The following HDAC4 variants were observed in gnomAD, a reference collection of about 807,000 sequenced individuals.
The protein encoded by HDAC4 is histone deacetylase A.
HDAC4 carries 16 observed loss-of-function variants against 135.1 expected under a neutral mutation model. That is an observed-to-expected ratio of 0.12 (90% confidence interval 0.08 to 0.18). HDAC4 has a LOEUF of 0.18. Ranked by LOEUF, HDAC4 falls within the 10% of genes least tolerant of loss-of-function variation. The pLI is 1.00. For synonymous variants in HDAC4, 685 were observed against 653.4 expected (o/e 1.05, Z -0.74); for missense variants, 1,143 against 1,511.8 (o/e 0.76, Z 4.05).
At chr2:239,123,062 C>T (rs999211169) in intron 12 of HDAC4, among the ~76,000 whole-genome samples, 5 of 152,154 alleles carry the variant, frequency 3.3e-5, no homozygotes, top group African/African-American at 7.2e-5. Context: ...CATTCACTCC[C>T]GTAAATCAAT....
chr2:239,354,238 C>T (rs1373484092), intron 1 of HDAC4, among the ~76,000 whole-genome samples: 1 of 152,152 alleles, frequency 6.6e-6, no homozygotes, highest in Non-Finnish European at 1.5e-5. Context: ...TGGTAAGCTT[C>T]GTTTTGAAGG....
At chr2:239,211,686 C>A (rs1361897746) in intron 3 of HDAC4, among the ~76,000 whole-genome samples, 1 of 152,178 alleles carries the variant, frequency 6.6e-6, no homozygotes, top group Non-Finnish European at 1.5e-5. Flanking sequence ...TGCAGACACA[C>A]CTTTAAATCC....
Position 239,189,797 on chromosome 2 carries a change from G to A in HDAC4, c.339+36C>T, listed in dbSNP as rs1308879387. 5 of 1,584,348 alleles carry A rather than the reference G, an allele frequency of 3.2e-6. No individual in the cohort carries two copies. In the African/African-American group the frequency reaches 5.4e-5, roughly 17 times the overall value. ...GTCACCGGGAGTTGAGGGTGCCGGA[G>A]GCCTGGCCCACCCGCAGCCCCGCAC... On this transcript the variant is annotated intron_variant, in intron 4 of 26. Transcript: ENST00000543185.
At chr2:239,143,699 G>A (rs1472823723) in intron 8 of HDAC4, among the ~76,000 whole-genome samples, 2 of 152,220 alleles carry the variant, frequency 1.3e-5, no homozygotes, top group African/African-American at 4.8e-5. Context: ...CTGAAGCAGA[G>A]TCCCTGTGTG....
chr2:239,317,275 G>T (rs2053149293), intron 2 of HDAC4, among the ~76,000 whole-genome samples: 1 of 152,012 alleles, frequency 6.6e-6, no homozygotes, highest in South Asian at 2.1e-4. Flanking sequence ...CCTTTGTGAG[G>T]CTGGGCTGGA....
intron 1 of HDAC4, among the ~76,000 whole-genome samples, chr2:239,359,382 G>A (rs1211210864): frequency 6.6e-6 from 1 of 152,208 alleles, no homozygotes; most frequent in Non-Finnish European, 1.5e-5. Flanking sequence ...CAAGCTAATG[G>A]GAAACATGTT....
intron 1 of HDAC4, among the ~76,000 whole-genome samples, chr2:239,381,203 T>A (rs1190703301): frequency 1.3e-5 from 2 of 152,242 alleles, no homozygotes; most frequent in African/African-American, 4.8e-5. Context: ...CGCAGTGAGC[T>A]GAGCTGCAGT....
chr2:239,124,650 G>A (rs937669260), intron 12 of HDAC4, among the ~76,000 whole-genome samples: 18 of 150,002 alleles, frequency 1.2e-4, no homozygotes, highest in African/African-American at 1.8e-4. Flanking sequence ...ATCATTCCAC[G>A]TTATATGACA....
intron 9 of HDAC4, 112 bp from the exon 10 acceptor site, chr2:239,134,755 G>C (rs1268639161): frequency 1.2e-6 from 1 of 802,726 alleles, no homozygotes; most frequent in East Asian, 2.5e-5. Flanking sequence ...ATATATGAGC[G>C]TAAACGTACA....
chr2:239,365,003 C>G lies in HDAC4; in HGVS notation c.-219-12085G>C, dbSNP rs565768485. The stretch of plus-strand genomic sequence containing the variant: ...CAAAGAGGTACTAAGTCAGGTTTGT[C>G]AGACAAAATATATATGAAATCATTT... On this transcript the variant is annotated intron_variant, in intron 1 of 26. Coordinates refer to ENST00000543185, the MANE Select transcript of HDAC4 (RefSeq NM_001378414.1). Among the ~76,000 whole-genome samples the G allele has an allele frequency of 3.9e-5, 6 of 152,282 alleles. No homozygotes were observed. The South Asian group carries it at 1.2e-3, about 32-fold the overall frequency.
chr2:239,244,172 A>G (rs2048344774), intron 2 of HDAC4, among the ~76,000 whole-genome samples: 1 of 152,168 alleles, frequency 6.6e-6, no homozygotes, highest in Non-Finnish European at 1.5e-5. Context: ...CAGAGTTCCC[A>G]TGGTTTAAAG....
chr2:239,192,765 G>C (rs926516776), intron 3 of HDAC4, among the ~76,000 whole-genome samples: 1 of 152,174 alleles, frequency 6.6e-6, no homozygotes, highest in Non-Finnish European at 1.5e-5. Context: ...TCAGGTGAGC[G>C]GGCCCGTGCT....
chr2:239,290,316 C>T (rs1326605611), intron 2 of HDAC4, among the ~76,000 whole-genome samples: 2 of 152,184 alleles, frequency 1.3e-5, no homozygotes, highest in African/African-American at 4.8e-5. Flanking sequence ...GCTGTGGGGA[C>T]ACCCAGAACC....
chr2:239,112,250 G>A (rs927572940), intron 13 of HDAC4, among the ~76,000 whole-genome samples: 2 of 152,178 alleles, frequency 1.3e-5, no homozygotes, highest in Admixed American at 1.3e-4. Flanking sequence ...ACACACATAC[G>A]GTGAGTGGGC....
chr2:239,164,411 T>G (rs149299581), intron 5 of HDAC4, among the ~76,000 whole-genome samples: 61 of 152,172 alleles, frequency 4.0e-4, no homozygotes, highest in Admixed American at 1.3e-4. Flanking sequence ...TCCAACAGCA[T>G]CAAAGGGCAG....
chr2:239,248,398 G>C (rs570063364), intron 2 of HDAC4, among the ~76,000 whole-genome samples: 1 of 152,222 alleles, frequency 6.6e-6, no homozygotes, highest in South Asian at 2.1e-4. Flanking sequence ...AGCCAGGATG[G>C]TGTCAATCTC....
intron 26 of HDAC4, 100 bp from the exon 27 acceptor site, chr2:239,053,236 G>A (rs968892685): frequency 1.5e-5 from 22 of 1,477,466 alleles, no homozygotes; most frequent in African/African-American, 1.3e-4. Context: ...TGCCCCACCC[G>A]CCAGCCTAGC....
intron 16 of HDAC4, among the ~76,000 whole-genome samples, chr2:239,095,436 G>A (rs188354656): frequency 1.1e-4 from 17 of 152,268 alleles, no homozygotes; most frequent in African/African-American, 4.1e-4. Context: ...CCAGGACCCC[G>A]AGCCTGGCTC....
intron 2 of HDAC4, among the ~76,000 whole-genome samples, chr2:239,342,387 C>G (rs990326038): frequency 6.6e-6 from 1 of 152,008 alleles, no homozygotes; most frequent in Non-Finnish European, 1.5e-5. Context: ...GAAAAAACTC[C>G]CCCAGTTAAT....
Sources: gnomAD v4.1 joint callset for allele counts (sites outside exome capture counted in the v4.1 genomes callset) on GRCh38, gnomAD v4.1.1 for gene constraint, MANE v1.5 for transcripts, NCBI Gene and HGNC (gene_info 2026-07-23, HGNC 2026-07-21) for gene names.